ATP5MK: variants seen among roughly 807,000 people sequenced by gnomAD.
ATP5MK encodes the protein ATP synthase membrane subunit k.
Under a neutral mutation model 6.6 loss-of-function variants are expected in ATP5MK, and 5 were observed. The observed-to-expected ratio is 0.76, with a 90% CI of 0.40 to 1.60. The LOEUF (loss-of-function observed/expected upper bound fraction) is 1.60, where lower values mean the gene tolerates loss of function less well. ATP5MK is among the 40% of genes most tolerant of loss of function. The probability of loss-of-function intolerance (pLI) is 0.02; values close to 1 mark genes in which losing one functional copy is unlikely to be tolerated. For synonymous variants in ATP5MK, 30 were observed against 24.5 expected (o/e 1.22, Z -0.66); for missense variants, 57 against 66.6 (o/e 0.86, Z 0.50).
intron 2 of ATP5MK, among the ~76,000 whole-genome samples, chr10:103,394,870 G>A (rs1048853897): frequency 6.6e-6 from 1 of 150,936 alleles, no homozygotes; most frequent in Non-Finnish European, 1.5e-5. Flanking sequence ...GACCATTAAC[G>A]AAAACCTCCA....
intron 2 of ATP5MK, among the ~76,000 whole-genome samples, chr10:103,392,739 C>A (rs377353256): frequency 6.6e-6 from 1 of 152,224 alleles, no homozygotes; most frequent in East Asian, 1.9e-4. Flanking sequence ...TAAGTTCATT[C>A]TCTGACCCAA....
intron 2 of ATP5MK, among the ~76,000 whole-genome samples, chr10:103,392,936 G>A (rs1302066507): frequency 6.6e-6 from 1 of 151,952 alleles, no homozygotes; most frequent in Non-Finnish European, 1.5e-5. Context: ...GGACCTCCAT[G>A]GGAGAAGGGA....
At position 103,392,249 on chromosome 10, in the gene ATP5MK, A is replaced by G. The variant is rs745477281; in HGVS notation, c.122T>C (p.Ile41Thr). 2 of 1,613,686 alleles carry G rather than the reference A, an allele frequency of 1.2e-6. No individual in the cohort carries two copies. Among genetic ancestry groups the G allele is most frequent in the Admixed American group, 1.7e-5 (1 of 59,964 alleles). Residue 41 changes from isoleucine (I) to threonine (T), a missense_variant, in exon 4 of 5, where the codon ATT becomes ACT. Physicochemically the swap from Ile to Thr is moderately conservative, Grantham distance 89. Coordinates refer to ENST00000369815, the MANE Select transcript of ATP5MK (RefSeq NM_001206427.2). ...GGACCTTAACTTGAAATATAAGACA[A>G]TCAATGCAATGCTTCCATATGTGGC... is the stretch of plus-strand genomic sequence containing the variant. ...VLATYGSIAL[I>T]VLYFKLRSKK...
At chr10:103,389,295 A>T (rs2093406219) in intron 4 of ATP5MK, 129 bp from the exon 5 acceptor site, 3 of 152,194 alleles carry the variant, frequency 2.0e-5, no homozygotes, top group Admixed American at 1.3e-4. Flanking sequence ...AAGATGTAAC[A>T]CCAAAAAAAT....
chr10:103,390,441 C>T (rs1014073716), intron 4 of ATP5MK, among the ~76,000 whole-genome samples: 7 of 152,054 alleles, frequency 4.6e-5, no homozygotes, highest in Non-Finnish European at 8.8e-5. Flanking sequence ...TTGCAGTGAT[C>T]TGAGATCGCA....
Position 103,392,227 on chromosome 10 carries a change from C to A in ATP5MK, c.144G>T (p.Arg48Ser). 6.2e-7 allele frequency: 1 copy of A among 1,613,002 alleles called. No homozygotes were observed. Among genetic ancestry groups the A allele is most frequent in the Admixed American group, 1.7e-5 (1 of 59,904 alleles). ...IALIVLYFKL[R>S]SKKTPAVKAT ...CTTTCACAGCTGGAGTTTTTTTGGA[C>A]CTTAACTTGAAATATAAGACAATCA... Residue 48 changes from arginine to serine, a missense_variant, in exon 4 of 5, where the codon AGG becomes AGT. By Grantham distance (110) the Arg-to-Ser change is moderately radical (BLOSUM62 -1). Transcript: ENST00000369815.
rs2292807 is a variant in ATP5MK at position 103,395,888 on chromosome 10, T to C, written c.-152A>G. On this transcript the variant is annotated 5_prime_UTR_variant, in exon 2 of 5. Coordinates refer to ENST00000369815, the MANE Select transcript of ATP5MK (RefSeq NM_001206427.2). ...GAAAGGCCTTCCCACTGATCGTCTA[T>C]AGACTGAAATCTAACCCTTTTACAG... The C allele has an allele frequency of 0.41, 61,765 of 152,094 alleles. 13,330 individuals are homozygous for C. The highest frequency in any genetic ancestry group is 0.64 in the South Asian group (3,099 of 4,826). The allele number at this position is 152,094 out of a possible 1,614,324, so 9.4% of individuals were successfully genotyped here. A position where few individuals can be genotyped will look rare whatever the true frequency, so the allele number is the denominator to read the frequency against.
At chr10:103,395,408 C>T (rs1430664106) in intron 2 of ATP5MK, among the ~76,000 whole-genome samples, 1 of 152,232 alleles carries the variant, frequency 6.6e-6, no homozygotes, top group East Asian at 1.9e-4. Context: ...AGCGGTTCTC[C>T]TGCCTCAGCC....
chr10:103,391,647 A>C (rs2093414823), intron 4 of ATP5MK, among the ~76,000 whole-genome samples: 1 of 151,600 alleles, frequency 6.6e-6, no homozygotes, highest in African/African-American at 2.4e-5. Context: ...AGCTGGGATT[A>C]TAGGCGCCTG....
chr10:103,392,149 C>A (rs906205277), intron 4 of ATP5MK, 42 bp downstream of exon 4: 2 of 1,539,366 alleles, frequency 1.3e-6, no homozygotes, highest in East Asian at 2.3e-5. Context: ...ATCCTAACAT[C>A]AAAATGGCTA....
intron 1 of ATP5MK, 92 bp from the exon 2 acceptor site, chr10:103,396,124 T>C (rs1213647268): frequency 6.6e-6 from 1 of 152,296 alleles, no homozygotes; most frequent in Non-Finnish European, 1.5e-5. Flanking sequence ...CTGGGTGACC[T>C]CGAGGGACGC....
At position 103,390,118 on chromosome 10, in the gene ATP5MK, G is replaced by A. The variant is rs148248442; in HGVS notation, c.*4-952C>T. Reference sequence around the variant, plus strand: ...AAATTGGGCAAAATACTACCTGTTCGTCAGGAATAAGCCAGTGATCACTGC... The same window carrying A: ...AAATTGGGCAAAATACTACCTGTTCATCAGGAATAAGCCAGTGATCACTGC... On this transcript the variant is annotated intron_variant, in intron 4 of 4. Transcript: ENST00000369815. Among the ~76,000 whole-genome samples, 46 of 152,232 alleles carry A rather than the reference G, an allele frequency of 3.0e-4. No individual in the cohort carries two copies. The East Asian group carries it at 7.7e-3, about 26-fold the overall frequency.
chr10:103,390,041 T>C (rs2093409453), intron 4 of ATP5MK, among the ~76,000 whole-genome samples: 1 of 152,112 alleles, frequency 6.6e-6, no homozygotes, highest in South Asian at 2.1e-4. Context: ...CTCTCCATTT[T>C]TGTAATGGGG....
intron 1 of ATP5MK, 119 bp from the exon 2 acceptor site, chr10:103,396,151 T>C (rs2093433745): frequency 6.6e-6 from 1 of 152,288 alleles, no homozygotes; most frequent in South Asian, 2.1e-4. Flanking sequence ...GAGGGCCTCA[T>C]TTTTCTCCAC....
At chr10:103,390,078 G>A (rs1358670393) in intron 4 of ATP5MK, among the ~76,000 whole-genome samples, 4 of 152,128 alleles carry the variant, frequency 2.6e-5, no homozygotes, top group Non-Finnish European at 5.9e-5. Flanking sequence ...GAAGTTAGGA[G>A]GTAATTAATA....
At chr10:103,393,782 T>G (rs1375602370) in intron 2 of ATP5MK, among the ~76,000 whole-genome samples, 1 of 152,166 alleles carries the variant, frequency 6.6e-6, no homozygotes, top group African/African-American at 2.4e-5. Context: ...AAATACTGTT[T>G]ATGAAAATCT....
At chr10:103,392,828 T>C (rs922061066) in intron 2 of ATP5MK, among the ~76,000 whole-genome samples, 2 of 152,180 alleles carry the variant, frequency 1.3e-5, no homozygotes, top group Non-Finnish European at 2.9e-5. Flanking sequence ...ACTCAAAAAT[T>C]GGAGCTGGTA....
rs1423112520 is a variant in ATP5MK, at chr10:103,389,121, T to C, written c.*49A>G. ...GAGTTGGCATTAGCTTCTCCAGGCA[T>C]GGGAACTTAACAGATGAGGTTAAGA... On this transcript the variant is annotated 3_prime_UTR_variant, in exon 5 of 5. Coordinates refer to ENST00000369815, the MANE Select transcript of ATP5MK (RefSeq NM_001206427.2). 1.3e-5 allele frequency: 2 copies of C among 152,658 alleles called. No homozygotes were observed. Among genetic ancestry groups the C allele is most frequent in the Non-Finnish European group, 2.9e-5 (2 of 68,050 alleles). 9.5% of individuals were successfully genotyped at this position (152,658 alleles called of 1,614,324 possible).
chr10:103,391,749 C>A (rs1242152837), intron 4 of ATP5MK, among the ~76,000 whole-genome samples: 1 of 152,146 alleles, frequency 6.6e-6, no homozygotes, highest in Non-Finnish European at 1.5e-5. Flanking sequence ...CTCAGGTGAT[C>A]CGCCTGCCTC....
Sources: allele counts gnomAD v4.1 joint callset (sites outside exome capture counted in the v4.1 genomes callset), GRCh38; gene constraint gnomAD v4.1.1; transcripts MANE v1.5; gene names NCBI Gene and HGNC (gene_info 2026-07-23, HGNC 2026-07-21).